Variants in KCNN2 observed in about 807,000 individuals in gnomAD.
KCNN2 encodes the protein small conductance calcium-activated potassium channel protein 2.
A neutral mutation model predicts 55.5 loss-of-function variants in KCNN2; 24 were observed. The ratio of observed to expected loss-of-function variants is 0.43; its 90% confidence interval spans 0.31 to 0.61. KCNN2 has a LOEUF of 0.61. Among genes scored for constraint, KCNN2 ranks in the 20% least tolerant of loss-of-function variants. The probability of loss-of-function intolerance (pLI) is 0.08; values close to 1 mark genes in which losing one functional copy is unlikely to be tolerated. For missense variants in KCNN2, 754 were observed against 853.6 expected (o/e 0.88, Z 1.45); for synonymous variants, 431 against 336.1 (o/e 1.28, Z -3.09).
chr5:114,333,880 G>A (rs1433996711), intron 2 of KCNN2, among the ~76,000 whole-genome samples: 1 of 152,108 alleles, frequency 6.6e-6, no homozygotes, highest in Non-Finnish European at 1.5e-5. Flanking sequence ...TGTCAACTAT[G>A]TTCAACTGAA....
intron 4 of KCNN2, among the ~76,000 whole-genome samples, chr5:114,468,489 G>A (rs1242391890): frequency 1.3e-5 from 2 of 152,104 alleles, no homozygotes; most frequent in Non-Finnish European, 2.9e-5. Context: ...TTACATAAAA[G>A]CGTGATTTTT....
At chr5:114,073,564 A>G (rs776608831) in intron 1 of KCNN2, among the ~76,000 whole-genome samples, 11 of 152,018 alleles carry the variant, frequency 7.2e-5, no homozygotes, top group Non-Finnish European at 1.5e-4. Context: ...GCCTAAATCT[A>G]TGGCTTCTGC....
rs1423102683 is a variant in KCNN2 at position 114,258,987 on chromosome 5, C to G, written c.-185+37422C>G. 2.0e-5 allele frequency among the ~76,000 whole-genome samples: 3 copies of G among 152,310 alleles called. No homozygotes were observed. The East Asian group carries it at 5.8e-4, about 30-fold the overall frequency. ...CTTAAAGCGCTAGAAAAGCCATCCT[C>G]CAGCATACCTGTGCCAATTTCCTGT... On this transcript the variant is annotated intron_variant, in intron 2 of 10. Transcript: ENST00000512097.
intron 6 of KCNN2, among the ~76,000 whole-genome samples, chr5:114,491,635 T>G (rs1747863854): frequency 6.6e-6 from 1 of 151,724 alleles, no homozygotes; most frequent in Admixed American, 6.6e-5. Context: ...ACTAAAAGGA[T>G]TAACTGTTTT....
intron 2 of KCNN2, among the ~76,000 whole-genome samples, chr5:114,294,935 C>T (rs570024034): frequency 0.029 from 4,450 of 152,270 alleles, 80 homozygotes; most frequent in Non-Finnish European, 0.042. Context: ...TAATGGCCTT[C>T]TTTGTCTCTT....
intron 4 of KCNN2, among the ~76,000 whole-genome samples, chr5:114,468,656 G>A (rs997019106): frequency 3.3e-5 from 5 of 152,114 alleles, no homozygotes; most frequent in Admixed American, 1.3e-4. Context: ...TTGAACATTA[G>A]TGTTTTTTAT....
chr5:114,239,676 C>T (rs116088415), intron 2 of KCNN2, among the ~76,000 whole-genome samples: 4,535 of 152,154 alleles, frequency 0.03, 228 homozygotes, highest in African/African-American at 0.1. Context: ...TACTCACATT[C>T]ATGTTTGAAA....
At chr5:114,494,590 G>A (rs1748022305) in intron 7 of KCNN2, among the ~76,000 whole-genome samples, 2 of 151,916 alleles carry the variant, frequency 1.3e-5, no homozygotes, top group South Asian at 4.2e-4. Flanking sequence ...GATTTTTAAT[G>A]GGTATTTTTA....
chr5:114,405,716 GTTT>G (rs35870169), intron 3 of KCNN2, among the ~76,000 whole-genome samples: 1 of 145,110 alleles, frequency 6.9e-6, no homozygotes. Flanking sequence ...GTTTTGTTTT[GTTT>G]TTTTTTTTTG....
intron 1 of KCNN2, among the ~76,000 whole-genome samples, chr5:114,171,398 A>G (rs1172222860): frequency 2.0e-5 from 3 of 151,942 alleles, no homozygotes; most frequent in South Asian, 2.1e-4. Context: ...CAAAATATCA[A>G]TATTGTTCCT....
At chr5:114,478,372 C>G (rs1467174915) in intron 5 of KCNN2, among the ~76,000 whole-genome samples, 4 of 151,888 alleles carry the variant, frequency 2.6e-5, no homozygotes, top group Non-Finnish European at 4.4e-5. Flanking sequence ...AAAGAGTGAA[C>G]AAAACCTCCG....
chr5:114,343,090 A>G (rs1170729325), intron 2 of KCNN2, among the ~76,000 whole-genome samples: 1 of 152,136 alleles, frequency 6.6e-6, no homozygotes, highest in Non-Finnish European at 1.5e-5. Flanking sequence ...TCACATCTTC[A>G]TTTCTTGCTA....
At chr5:114,250,242 C>T (rs1005504135) in intron 2 of KCNN2, among the ~76,000 whole-genome samples, 4 of 152,210 alleles carry the variant, frequency 2.6e-5, no homozygotes, top group African/African-American at 9.6e-5. Context: ...CTACATTGTT[C>T]CTTAACTGAT....
At chr5:114,395,983 C>G (rs1266259923) in intron 2 of KCNN2, among the ~76,000 whole-genome samples, 1 of 152,192 alleles carries the variant, frequency 6.6e-6, no homozygotes, top group African/African-American at 2.4e-5. Context: ...CCAGACTTCT[C>G]TTCTGAGTGA....
intron 2 of KCNN2, among the ~76,000 whole-genome samples, chr5:114,302,833 A>G (rs1756194945): frequency 6.6e-6 from 1 of 152,144 alleles, no homozygotes; most frequent in South Asian, 2.1e-4. Context: ...TGAATAAAGT[A>G]CCCAAGCAGG....
intron 3 of KCNN2, among the ~76,000 whole-genome samples, chr5:114,414,591 A>C (rs1759247608): frequency 6.6e-6 from 1 of 152,146 alleles, no homozygotes; most frequent in African/African-American, 2.4e-5. Context: ...TGAGTCAATA[A>C]ATAGTCTGAT....
chr5:114,383,554 C>T (rs368239899), intron 2 of KCNN2, among the ~76,000 whole-genome samples: 66 of 150,928 alleles, frequency 4.4e-4, no homozygotes, highest in East Asian at 2.8e-3. Flanking sequence ...CTGCAACCTC[C>T]GCCTTCTGGA....
At chr5:114,164,701 T>C (rs1752871390) in intron 1 of KCNN2, among the ~76,000 whole-genome samples, 1 of 152,186 alleles carries the variant, frequency 6.6e-6, no homozygotes, top group Non-Finnish European at 1.5e-5. Flanking sequence ...AAATGCGCAT[T>C]TTGGATGTAC....
At chr5:114,385,810 T>C (rs1758263443) in intron 2 of KCNN2, among the ~76,000 whole-genome samples, 1 of 151,578 alleles carries the variant, frequency 6.6e-6, no homozygotes, top group South Asian at 2.1e-4. Flanking sequence ...TGCACAACAG[T>C]GGGTAATTGT....
Sources: gnomAD v4.1 joint callset for allele counts (sites outside exome capture counted in the v4.1 genomes callset) on GRCh38, gnomAD v4.1.1 for gene constraint, MANE v1.5 for transcripts, NCBI Gene and HGNC (gene_info 2026-07-23, HGNC 2026-07-21) for gene names.